ASPRV1: variants seen among roughly 807,000 people sequenced by gnomAD.
The protein encoded by ASPRV1 is aspartic peptidase retroviral like 1.
Under a neutral mutation model 11.0 loss-of-function variants are expected in ASPRV1, and 7 were observed. The observed-to-expected ratio is 0.64, with a 90% CI of 0.36 to 1.20. The LOEUF (loss-of-function observed/expected upper bound fraction) is 1.20. ASPRV1 is among the 50% of genes most tolerant of loss of function. The pLI, the probability that ASPRV1 is intolerant of heterozygous loss-of-function variation, is 0.02. For missense variants in ASPRV1, 299 were observed against 320.0 expected, an observed-to-expected ratio of 0.93 and a Z score of 0.50; for synonymous variants, 136 against 138.4, an observed-to-expected ratio of 0.98 and a Z score of 0.12.
the ASPRV1 span, chr2:69,988,722 A>G: frequency 2.2e-6 from 1 of 452,250 alleles, no homozygotes; most frequent in African/African-American, 2.0e-5. Flanking sequence ...ACAAACAAAA[A>G]CCTTCCCCAT....
downstream of ASPRV1, among the ~76,000 whole-genome samples, chr2:69,959,192 G>A (rs949981739): frequency 1.3e-5 from 2 of 152,166 alleles, no homozygotes; most frequent in African/African-American, 2.4e-5. Context: ...CACCCTGGAG[G>A]ATGGAAAATG....
chr2:70,025,572 T>C, the ASPRV1 span, among the ~76,000 whole-genome samples: 2 of 152,218 alleles, frequency 1.3e-5, no homozygotes, highest in Non-Finnish European at 2.9e-5. Flanking sequence ...GTTGGGTTTA[T>C]GTAGAAAGGA....
chr2:70,012,776 A>G, the ASPRV1 span, among the ~76,000 whole-genome samples: 2 of 152,344 alleles, frequency 1.3e-5, no homozygotes, highest in Non-Finnish European at 2.9e-5. Flanking sequence ...GGAAGCACTT[A>G]CCTGATTGTT....
chr2:70,037,994 TCTC>T, the ASPRV1 span, among the ~76,000 whole-genome samples: 1 of 152,210 alleles, frequency 6.6e-6, no homozygotes, highest in Non-Finnish European at 1.5e-5. Context: ...TATTGTGAGC[TCTC>T]CTCCTTGACA....
chr2:69,979,359 C>G, the ASPRV1 span, among the ~76,000 whole-genome samples: 1 of 152,178 alleles, frequency 6.6e-6, no homozygotes, highest in Admixed American at 6.5e-5. Context: ...CAGGACCAGG[C>G]AGAAGCCACC....
chr2:70,000,371 C>T, the ASPRV1 span, among the ~76,000 whole-genome samples: 1 of 144,632 alleles, frequency 6.9e-6, no homozygotes, highest in East Asian at 2.0e-4. Flanking sequence ...TAATATATGA[C>T]AGACAAGGAG....
At chr2:70,036,809 A>T in the ASPRV1 span, among the ~76,000 whole-genome samples, 52 of 152,226 alleles carry the variant, frequency 3.4e-4, no homozygotes, top group African/African-American at 1.2e-3. Flanking sequence ...CTGGGATTAC[A>T]GGTATGAGCC....
chr2:69,938,351 G>A, the ASPRV1 span: 2 of 1,521,300 alleles, frequency 1.3e-6, no homozygotes, highest in Non-Finnish European at 1.8e-6. Flanking sequence ...TAACGTATTG[G>A]ACCTGCCCAC....
At chr2:70,047,356 T>C in the ASPRV1 span, among the ~76,000 whole-genome samples, 1 of 152,170 alleles carries the variant, frequency 6.6e-6, no homozygotes, top group Non-Finnish European at 1.5e-5. Flanking sequence ...AATGCTCTCA[T>C]CCCCTCACTC....
chr2:69,982,848 G>A, the ASPRV1 span, among the ~76,000 whole-genome samples: 3 of 152,200 alleles, frequency 2.0e-5, no homozygotes, highest in African/African-American at 7.2e-5. Context: ...CAGAACCCTG[G>A]AGCAGAAAGG....
chr2:69,989,501 G>A, the ASPRV1 span, among the ~76,000 whole-genome samples: 1 of 152,198 alleles, frequency 6.6e-6, no homozygotes, highest in East Asian at 1.9e-4. Flanking sequence ...GGCCCCAGGT[G>A]TGCCCAGGAG....
the ASPRV1 span, among the ~76,000 whole-genome samples, chr2:70,043,814 T>C: frequency 6.6e-6 from 1 of 152,216 alleles, no homozygotes; most frequent in Non-Finnish European, 1.5e-5. Flanking sequence ...CCTGGTTACA[T>C]TATAGCTGTC....
chr2:70,018,703 G>A, the ASPRV1 span, among the ~76,000 whole-genome samples: 1,950 of 152,280 alleles, frequency 0.013, 46 homozygotes, highest in African/African-American at 0.045. Flanking sequence ...AATGGTGCTG[G>A]AAAAACTGGA....
the ASPRV1 span, chr2:70,080,963 G>A: frequency 6.6e-6 from 1 of 152,072 alleles, no homozygotes; most frequent in Admixed American, 6.6e-5. Flanking sequence ...TAGACACAGG[G>A]GCTCCCTATG....
At chr2:69,983,583 A>C in the ASPRV1 span, among the ~76,000 whole-genome samples, 4 of 151,978 alleles carry the variant, frequency 2.6e-5, no homozygotes, top group East Asian at 7.7e-4. Context: ...AGGCAGGGAG[A>C]TGGTGTGTTG....
At chr2:70,026,922 G>T in the ASPRV1 span, among the ~76,000 whole-genome samples, 3 of 152,000 alleles carry the variant, frequency 2.0e-5, no homozygotes, top group Admixed American at 6.6e-5. Flanking sequence ...AACAAAACTA[G>T]AGGCATCGCA....
chr2:69,961,811 A>G, upstream of ASPRV1: 1 of 1,131,798 alleles, frequency 8.8e-7, no homozygotes, highest in East Asian at 2.4e-5. Flanking sequence ...GCCAGCCCAC[A>G]TCCCAAGAAA....
chr2:69,944,779 T>C, the ASPRV1 span, among the ~76,000 whole-genome samples: 1 of 150,384 alleles, frequency 6.6e-6, no homozygotes, highest in South Asian at 2.1e-4. Flanking sequence ...TCAACTTCCC[T>C]CTGTGCCTAT....
chr2:70,006,377 A>C, the ASPRV1 span, among the ~76,000 whole-genome samples: 9 of 152,160 alleles, frequency 5.9e-5, no homozygotes, highest in Non-Finnish European at 1.2e-4. Flanking sequence ...GCAAATGAGG[A>C]GGCAAAGGAG....
Sources: gnomAD v4.1 joint callset for allele counts (sites outside exome capture counted in the v4.1 genomes callset) on GRCh38, gnomAD v4.1.1 for gene constraint, MANE v1.5 for transcripts, NCBI Gene and HGNC (gene_info 2026-07-23, HGNC 2026-07-21) for gene names.